Variants in CACNA1A observed in about 807,000 individuals in gnomAD.
CACNA1A encodes the protein voltage-dependent P/Q-type calcium channel subunit alpha-1A.
Under a neutral mutation model 262.4 loss-of-function variants are expected in CACNA1A, and 57 were observed. The ratio of observed to expected loss-of-function variants is 0.22; its 90% CI spans 0.18 to 0.27. The LOEUF (loss-of-function observed/expected upper bound fraction) is 0.27, where lower values mean the gene tolerates loss of function less well. Ranked by LOEUF, CACNA1A falls within the 10% of genes least tolerant of loss-of-function variation. CACNA1A has a pLI of 1.00. For missense variants in CACNA1A, 2,526 were observed against 3,562.8 expected, an observed-to-expected ratio of 0.71 and a Z score of 7.41; for synonymous variants, 1,431 against 1,419.3, an observed-to-expected ratio of 1.01 and a Z score of -0.18.
At chr19:13,497,747 TAAATA>T (rs1023944254) in intron 1 of CACNA1A, among the ~76,000 whole-genome samples, 3 of 150,476 alleles carry the variant, frequency 2.0e-5, no homozygotes, top group Non-Finnish European at 4.4e-5. Flanking sequence ...TGACTCAAAA[TAAATA>T]AAATAAAATT....
intron 26 of CACNA1A, 57 bp downstream of exon 26, chr19:13,261,393 T>G (rs1384605460): frequency 4.0e-6 from 6 of 1,487,934 alleles, no homozygotes; most frequent in Non-Finnish European, 5.4e-6. Context: ...CTCTAGCCAC[T>G]TCCCCCCTGC....
chr19:13,239,641 T>C (rs2056001639), intron 31 of CACNA1A, among the ~76,000 whole-genome samples: 1 of 151,976 alleles, frequency 6.6e-6, no homozygotes, highest in Admixed American at 6.6e-5. Context: ...AAGGGCCTCA[T>C]TGGTGGGTAG....
At chr19:13,303,009 C>T (rs888612037) in intron 17 of CACNA1A, among the ~76,000 whole-genome samples, 6 of 152,082 alleles carry the variant, frequency 3.9e-5, no homozygotes, top group East Asian at 1.9e-4. Context: ...TTAGGCTGGA[C>T]GGAGGCTAGC....
At chr19:13,347,330 T>G (rs1313478448) in intron 6 of CACNA1A, among the ~76,000 whole-genome samples, 1 of 152,048 alleles carries the variant, frequency 6.6e-6, no homozygotes, top group East Asian at 1.9e-4. Flanking sequence ...CCCAAAGTGT[T>G]AGAATTATAG....
chr19:13,457,281 C>CA lies in CACNA1A; in HGVS notation c.294-2070dup, dbSNP rs753972721. 7.9e-5 allele frequency among the ~76,000 whole-genome samples: 12 copies of CA among 151,838 alleles called. No individual in the cohort carries two copies. The East Asian group carries it at 1.2e-3, about 15-fold the overall frequency. On this transcript the variant is annotated intron_variant, in intron 1 of 46. Transcript: ENST00000360228. ...ACAACAACAACAAAAACAACAACAA[C>CA]AAAAAAACACCAGTGCAACTGCCAT...
At chr19:13,418,229 A>G (rs12974909) in intron 3 of CACNA1A, among the ~76,000 whole-genome samples, 20,177 of 152,126 alleles carry the variant, frequency 0.13, 1,735 homozygotes, top group Non-Finnish European at 0.2. Flanking sequence ...AATGGAATGA[A>G]GCTTCCATGA....
chr19:13,364,390 A>G (rs535031960), intron 5 of CACNA1A: 1 of 152,330 alleles, frequency 6.6e-6, no homozygotes, highest in African/African-American at 2.4e-5. Flanking sequence ...ACCACTCACA[A>G]TGCATTGAGG....
intron 2 of CACNA1A, among the ~76,000 whole-genome samples, chr19:13,453,262 A>G (rs1032328008): frequency 6.6e-6 from 1 of 152,228 alleles, no homozygotes. Flanking sequence ...TCACTCAGCT[A>G]AACAGAATTA....
chr19:13,297,368 A>C (rs940579878), intron 19 of CACNA1A, among the ~76,000 whole-genome samples: 4 of 152,188 alleles, frequency 2.6e-5, no homozygotes, highest in Non-Finnish European at 5.9e-5. Flanking sequence ...TAGAGGAATG[A>C]CCTTGAGGAG....
chr19:13,308,443 C>G lies in CACNA1A; in HGVS notation c.1754G>C (p.Arg585Thr). The part of the protein sequence containing the change: ...SFGISVLRAL[R>T]LLRIFKVTKY... ...TGTGACTTTGAAAATACGCAATAAC[C>G]TGAGGGCTCGTAACACGCTGATTCC... Residue 585 changes from arginine to threonine, a missense_variant, in exon 13 of 47, where the codon AGG becomes ACG. This residue lies in a region of CACNA1A where 102 missense variants were observed against 278.9 expected (regional missense o/e 0.37). Coordinates refer to ENST00000360228, the MANE Select transcript of CACNA1A (RefSeq NM_001127222.2). This position sits in a 1 kb window ranked among gnomAD's most constrained non-coding sequence, Gnocchi z 4.2. 1 of 1,613,528 alleles carries G rather than the reference C, an allele frequency of 6.2e-7. No individual in the cohort carries two copies. The highest frequency in any genetic ancestry group is 2.2e-5 in the East Asian group (1 of 44,886).
At chr19:13,494,417 G>A (rs1470686345) in intron 1 of CACNA1A, among the ~76,000 whole-genome samples, 1 of 152,216 alleles carries the variant, frequency 6.6e-6, no homozygotes. Context: ...GATGCAGGCA[G>A]AGGAAATAGC....
At chr19:13,258,981 TGGA>T (rs1199137624) in intron 27 of CACNA1A, 1 of 151,986 alleles carries the variant, frequency 6.6e-6, no homozygotes, top group Non-Finnish European at 1.5e-5. Flanking sequence ...TTGTCTAGGC[TGGA>T]GTACAATGGC....
chr19:13,227,717 A>G, intron 36 of CACNA1A, 190 bp from the exon 37 acceptor site: 1 of 335,858 alleles, frequency 3.0e-6, no homozygotes, highest in Non-Finnish European at 5.4e-6. Context: ...AATGGAAAAG[A>G]GGAGGAAAAA....
intron 19 of CACNA1A, among the ~76,000 whole-genome samples, chr19:13,295,437 T>C (rs1419442369): frequency 1.3e-5 from 2 of 152,224 alleles, no homozygotes; most frequent in Non-Finnish European, 2.9e-5. Context: ...AAAATCTTGC[T>C]TGTAATTACC....
chr19:13,456,327 TAGG>T (rs1568663178), intron 1 of CACNA1A, among the ~76,000 whole-genome samples: 1 of 152,142 alleles, frequency 6.6e-6, no homozygotes, highest in African/African-American at 2.4e-5. Context: ...AGTAACAGAA[TAGG>T]AGAAGCTATT....
chr19:13,380,660 A>T lies in CACNA1A; in HGVS notation c.540-8881T>A, dbSNP rs966518716. ...GACTCTGTCTCAAAAAAAAAAAAAA[A>T]AAAAAAAAAAATTAAAATTTGCTAG... is the stretch of plus-strand genomic sequence containing the variant. On this transcript the variant is annotated intron_variant, in intron 3 of 46. Transcript: ENST00000360228. Among the ~76,000 whole-genome samples the T allele has an allele frequency of 5.3e-5, 8 of 151,116 alleles. 1 individual carries two copies. The highest frequency in any genetic ancestry group is 1.9e-4 in the African/African-American group (8 of 41,400).
intron 38 of CACNA1A, among the ~76,000 whole-genome samples, chr19:13,217,115 G>A (rs987132723): frequency 5.3e-5 from 8 of 152,064 alleles, no homozygotes; most frequent in African/African-American, 1.9e-4. Flanking sequence ...CAGCCTGGGC[G>A]ACAGAACGAG....
intron 3 of CACNA1A, among the ~76,000 whole-genome samples, chr19:13,375,698 G>C (rs147771447): frequency 0.012 from 1,878 of 152,210 alleles, 41 homozygotes; most frequent in South Asian, 0.055. Context: ...TGAGGTGGGA[G>C]GATCACTTGG....
At chr19:13,294,486 G>GTTTTTTTTTTTTTT (rs1568503058) in intron 19 of CACNA1A, among the ~76,000 whole-genome samples, 2 of 87,242 alleles carry the variant, frequency 2.3e-5, no homozygotes, top group South Asian at 5.1e-4. Flanking sequence ...ACTGTACCTG[G>GTTTTTTTTTTTTTT]CTTTTTTTTT....
Sources: gnomAD v4.1 joint callset for allele counts (sites outside exome capture counted in the v4.1 genomes callset) on GRCh38, gnomAD v4.1.1 for gene constraint, gnomAD v4.1.1 regional missense constraint, Gnocchi (gnomAD v3.1) non-coding constraint, MANE v1.5 for transcripts, NCBI Gene and HGNC (gene_info 2026-07-23, HGNC 2026-07-21) for gene names.